LAMA3: variants seen among roughly 807,000 people sequenced by gnomAD.
LAMA3 encodes laminin subunit alpha 3.
LAMA3 carries 281 observed loss-of-function variants against 402.0 expected under a neutral mutation model. The observed-to-expected ratio is 0.70, with a 90% confidence interval of 0.63 to 0.77. The LOEUF (loss-of-function observed/expected upper bound fraction) is 0.77. Ranked by LOEUF, LAMA3 falls within the 30% of genes least tolerant of loss-of-function variation. The pLI is 0.00. For synonymous variants in LAMA3, 1,431 were observed against 1,558.4 expected, an observed-to-expected ratio of 0.92 and a Z score of 1.93; for missense variants, 3,840 against 4,215.5, an observed-to-expected ratio of 0.91 and a Z score of 2.47.
intron 69 of LAMA3, 57 bp downstream of exon 69, chr18:23,944,028 C>T (rs905761629): frequency 1.9e-5 from 29 of 1,542,902 alleles, no homozygotes; most frequent in Admixed American, 3.6e-5. Flanking sequence ...CTGTTGGAGT[C>T]GCTGAAAATA....
At chr18:23,840,581 C>G (rs1391188743) in intron 27 of LAMA3, among the ~76,000 whole-genome samples, 1 of 151,812 alleles carries the variant, frequency 6.6e-6, no homozygotes, top group African/African-American at 2.4e-5. Flanking sequence ...GAGGTGGGAT[C>G]TTGCTATGTT....
chr18:23,949,722 G>A, intron 70 of LAMA3, 43 bp from the exon 71 acceptor site: 1 of 1,606,310 alleles, frequency 6.2e-7, no homozygotes, highest in Non-Finnish European at 8.5e-7. Context: ...TGCCTTTCTT[G>A]GAGGTGTAGG....
chr18:23,776,310 T>C (rs1802026645), intron 10 of LAMA3, among the ~76,000 whole-genome samples: 1 of 152,146 alleles, frequency 6.6e-6, no homozygotes, highest in African/African-American at 2.4e-5. Flanking sequence ...GGGAAACGTT[T>C]CCTCTCTCCT....
chr18:23,801,528 T>C (rs1050583702), intron 12 of LAMA3, among the ~76,000 whole-genome samples: 1 of 152,238 alleles, frequency 6.6e-6, no homozygotes, highest in African/African-American at 2.4e-5. Context: ...GTCCCTTTCA[T>C]ATACAAATTC....
chr18:23,804,577 A>G (rs185339303), intron 12 of LAMA3, among the ~76,000 whole-genome samples: 2 of 152,302 alleles, frequency 1.3e-5, no homozygotes, highest in Admixed American at 1.3e-4. Context: ...GGGAAAGGTG[A>G]TCAAGATCCC....
chr18:23,901,033 A>G (rs1344124507), intron 47 of LAMA3, 94 bp from the exon 48 acceptor site: 6 of 1,130,504 alleles, frequency 5.3e-6, no homozygotes, highest in East Asian at 2.5e-5. Context: ...AAACCATGAA[A>G]TGAGTAGAAA....
chr18:23,871,409 G>A (rs2064513631), intron 37 of LAMA3, 22 bp from the exon 38 acceptor site: 1 of 1,609,226 alleles, frequency 6.2e-7, no homozygotes, highest in African/African-American at 1.3e-5. Flanking sequence ...GGAAGACCCT[G>A]ACTTTCTGTT....
intron 12 of LAMA3, among the ~76,000 whole-genome samples, chr18:23,784,678 A>G (rs2878906): frequency 0.79 from 120,675 of 152,014 alleles, 48,684 homozygotes; most frequent in African/African-American, 0.95. Context: ...GGGTCGCTGA[A>G]GGGGGGATGG....
intron 8 of LAMA3, among the ~76,000 whole-genome samples, chr18:23,772,354 AACTC>A (rs1215138470): frequency 6.6e-6 from 1 of 152,022 alleles, no homozygotes; most frequent in Admixed American, 6.6e-5. Context: ...CTAAGTCTTA[AACTC>A]ACTCCCTAGT....
intron 12 of LAMA3, among the ~76,000 whole-genome samples, chr18:23,804,176 G>A (rs1350291067): frequency 1.3e-5 from 2 of 152,186 alleles, no homozygotes; most frequent in Admixed American, 1.3e-4. Flanking sequence ...CTTATATGTA[G>A]ACGGTGGCAG....
At chr18:23,865,171 C>T (rs573835890) in intron 36 of LAMA3, among the ~76,000 whole-genome samples, 68 of 152,138 alleles carry the variant, frequency 4.5e-4, no homozygotes, top group African/African-American at 1.3e-3. Flanking sequence ...CTTTTTTTAT[C>T]TTTGTAGAGA....
chr18:23,810,305 G>A, intron 12 of LAMA3, 61 bp from the exon 13 acceptor site: 2 of 1,603,328 alleles, frequency 1.2e-6, no homozygotes, highest in Middle Eastern at 1.7e-4. Context: ...TCCGGGACGT[G>A]GTTCTTCCCC....
At chr18:23,906,226 G>A (rs1050034741) in intron 52 of LAMA3, among the ~76,000 whole-genome samples, 33 of 152,214 alleles carry the variant, frequency 2.2e-4, no homozygotes, top group African/African-American at 7.2e-4. Flanking sequence ...TTGGTGGGGA[G>A]GCTATTTTAA....
At chr18:23,928,534 C>A in intron 63 of LAMA3, 91 bp from the exon 64 acceptor site, 1 of 1,211,554 alleles carries the variant, frequency 8.3e-7, no homozygotes, top group Non-Finnish European at 1.2e-6. Flanking sequence ...TCACATTAAT[C>A]AGTTTGAGTA....
rs777962713 is a variant in LAMA3, at chr18:23,909,311, C to A, written c.7158+16C>A. 5 of 1,608,870 alleles carry A rather than the reference C, an allele frequency of 3.1e-6. No homozygotes were observed. The South Asian group carries it at 5.5e-5, about 18-fold the overall frequency. On this transcript the variant is annotated intron_variant, in intron 55 of 74. Transcript: ENST00000313654. ...TGCCAGTAAGGTGAGTGTGTCCCCACGTGGTCAGTGGCCAAGGCTAGTTCT... is the reference window on the plus strand; with the variant it reads ...TGCCAGTAAGGTGAGTGTGTCCCCAAGTGGTCAGTGGCCAAGGCTAGTTCT...
intron 38 of LAMA3, among the ~76,000 whole-genome samples, chr18:23,875,025 G>A (rs181592643): frequency 2.0e-3 from 298 of 152,202 alleles, no homozygotes; most frequent in African/African-American, 6.9e-3. Context: ...CACCATGCCC[G>A]GCTAATTGTT....
chr18:23,726,288 G>A (rs2061299100), intron 2 of LAMA3, among the ~76,000 whole-genome samples: 1 of 152,250 alleles, frequency 6.6e-6, no homozygotes, highest in Non-Finnish European at 1.5e-5. Flanking sequence ...AGCTGGCACA[G>A]CTCTCATGAG....
intron 48 of LAMA3, among the ~76,000 whole-genome samples, chr18:23,902,240 C>T (rs1247666200): frequency 6.6e-6 from 1 of 151,862 alleles, no homozygotes; most frequent in African/African-American, 2.4e-5. Context: ...GTGGAAGGAT[C>T]GCTTGAACAC....
rs1236249213 is a variant in LAMA3, at chr18:23,873,232, T to G, written c.4998+1571T>G. On this transcript the variant is annotated intron_variant, in intron 38 of 74. Coordinates refer to ENST00000313654, the MANE Select transcript of LAMA3 (RefSeq NM_198129.4). The stretch of plus-strand genomic sequence containing the variant: ...CCCAGCCAGGTAACGTCCTTTTAAG[T>G]TTTGGTTTGTGATAGGGAAGAGTTT... The G allele has an allele frequency of 1.1e-5, 18 of 1,611,270 alleles. No homozygotes were observed. Among genetic ancestry groups the G allele is most frequent in the Non-Finnish European group, 1.5e-5 (18 of 1,177,544 alleles).
Sources: gnomAD v4.1 joint callset for allele counts (sites outside exome capture counted in the v4.1 genomes callset) on GRCh38, gnomAD v4.1.1 for gene constraint, MANE v1.5 for transcripts, NCBI Gene and HGNC (gene_info 2026-07-23, HGNC 2026-07-21) for gene names.